Variants in COL4A5 observed in about 807,000 individuals in gnomAD.
COL4A5 encodes the protein collagen alpha-5(IV) chain.
COL4A5 carries 26 observed loss-of-function variants against 130.2 expected under a neutral mutation model. The observed-to-expected ratio is 0.20, with a 90% confidence interval of 0.15 to 0.28. COL4A5 has a LOEUF of 0.28. Among genes scored for constraint, COL4A5 ranks in the 10% least tolerant of loss-of-function variants. COL4A5 has a pLI of 1.00. For synonymous variants in COL4A5, 496 were observed against 439.6 expected (o/e 1.13, Z -1.60); for missense variants, 1,131 against 1,344.3 (o/e 0.84, Z 2.48).
At chrX:108,620,474 T>C in intron 31 of COL4A5, 48 bp downstream of exon 31, 1 of 1,011,656 alleles carries the variant, frequency 9.9e-7, no homozygotes. Context: ...AAATTAAAAC[T>C]AATACGACTC....
At chrX:108,487,557 T>A (rs1183212068) in intron 1 of COL4A5, among the ~76,000 whole-genome samples, 1 of 111,697 alleles carries the variant, frequency 9.0e-6, no homozygotes, top group East Asian at 2.8e-4. Flanking sequence ...GTGATGTTTA[T>A]CATTTTTTCA....
intron 1 of COL4A5, among the ~76,000 whole-genome samples, chrX:108,532,006 G>A (rs1389498384): frequency 1.8e-5 from 2 of 111,086 alleles, no homozygotes; most frequent in African/African-American, 6.5e-5. Context: ...TCTAACAATC[G>A]TACAAGACAG....
intron 2 of COL4A5, among the ~76,000 whole-genome samples, chrX:108,542,985 T>C (rs2065573987): frequency 9.0e-6 from 1 of 110,556 alleles, no homozygotes; most frequent in Non-Finnish European, 1.9e-5. Context: ...TATGTTTGAG[T>C]TCATTGTAGA....
chrX:108,649,237 C>T (rs2067671628), intron 36 of COL4A5, among the ~76,000 whole-genome samples: 1 of 111,937 alleles, frequency 8.9e-6, no homozygotes, highest in Non-Finnish European at 1.9e-5. Flanking sequence ...CTACAAAACA[C>T]TGCTGAAAGA....
At chrX:108,670,171 T>G in intron 41 of COL4A5, 57 bp from the exon 42 acceptor site, 1 of 1,163,285 alleles carries the variant, frequency 8.6e-7, no homozygotes, top group Non-Finnish European at 1.2e-6. Context: ...AGTTTTGATA[T>G]TTTTCCTTTT....
intron 39 of COL4A5, 147 bp from the exon 40 acceptor site, chrX:108,666,986 G>T (rs748291718): frequency 4.9e-5 from 25 of 514,999 alleles, no homozygotes; most frequent in Non-Finnish European, 6.5e-5. Context: ...TTGCAGTTCT[G>T]TGTTGGAAAT....
intron 33 of COL4A5, 49 bp from the exon 34 acceptor site, chrX:108,624,187 T>A: frequency 2.9e-6 from 3 of 1,033,897 alleles, no homozygotes; most frequent in Middle Eastern, 2.7e-4. Context: ...AGTTATTTCA[T>A]GGATGAATAA....
intron 36 of COL4A5, among the ~76,000 whole-genome samples, chrX:108,646,613 T>C (rs1303661092): frequency 1.1e-4 from 12 of 112,046 alleles, no homozygotes; most frequent in African/African-American, 3.9e-4. Context: ...TTTTGGCTTT[T>C]GTTGTCATTG....
chrX:108,453,216 A>T (rs1021385591), intron 1 of COL4A5, among the ~76,000 whole-genome samples: 4 of 111,646 alleles, frequency 3.6e-5, no homozygotes, highest in African/African-American at 1.3e-4. Context: ...AAGCTAGTTG[A>T]TAAAGTTTCA....
chrX:108,651,250 A>G (rs2067721231), intron 36 of COL4A5, among the ~76,000 whole-genome samples: 1 of 111,591 alleles, frequency 9.0e-6, no homozygotes, highest in Non-Finnish European at 1.9e-5. Context: ...CTAAAATTAG[A>G]TTGTGATGAT....
intron 36 of COL4A5, among the ~76,000 whole-genome samples, chrX:108,651,835 T>C (rs1019865264): frequency 8.9e-6 from 1 of 112,161 alleles, no homozygotes; most frequent in Non-Finnish European, 1.9e-5. Context: ...TGAGCCATTA[T>C]TTATCAGTTT....
At chrX:108,529,444 A>G (rs973535872) in intron 1 of COL4A5, among the ~76,000 whole-genome samples, 2 of 111,619 alleles carry the variant, frequency 1.8e-5, no homozygotes, top group African/African-American at 6.5e-5. Context: ...CACTATAGCA[A>G]TCTACCAAAC....
chrX:108,599,053 TCTAA>T (rs756626637), intron 25 of COL4A5, among the ~76,000 whole-genome samples, 183 bp downstream of exon 25: 6 of 112,108 alleles, frequency 5.4e-5, no homozygotes, highest in Non-Finnish European at 1.1e-4. Context: ...TTAAATCTTT[TCTAA>T]CTGTTTCATT....
chrX:108,541,934 A>G (rs1285347948), intron 2 of COL4A5, among the ~76,000 whole-genome samples: 1 of 111,708 alleles, frequency 9.0e-6, no homozygotes, highest in Non-Finnish European at 1.9e-5. Flanking sequence ...ATTACCAAGT[A>G]AAAGTGATCT....
chrX:108,548,197 C>T (rs929791879), intron 2 of COL4A5, among the ~76,000 whole-genome samples: 13 of 112,086 alleles, frequency 1.2e-4, no homozygotes, highest in Non-Finnish European at 2.3e-4. Flanking sequence ...TCTTCTGCAT[C>T]GCTCACGCTG....
At chrX:108,512,037 G>A (rs1047204016) in intron 1 of COL4A5, among the ~76,000 whole-genome samples, 11 of 111,785 alleles carry the variant, frequency 9.8e-5, no homozygotes, top group African/African-American at 3.6e-4. Context: ...GGAAGTCATA[G>A]CCCAATAAGC....
chrX:108,602,197 A>G (rs2066645797), intron 27 of COL4A5, among the ~76,000 whole-genome samples: 1 of 112,632 alleles, frequency 8.9e-6, no homozygotes, highest in African/African-American at 3.2e-5. Context: ...TCTACATTTT[A>G]GATATGCAAA....
At chrX:108,695,223 A>T in intron 51 of COL4A5, 44 bp from the exon 52 acceptor site, 3 of 1,200,556 alleles carry the variant, frequency 2.5e-6, no homozygotes, top group Non-Finnish European at 3.4e-6. Flanking sequence ...CTAAGCTATT[A>T]TGGCACATGG....
At chrX:108,620,648 C>CT (rs1417805679) in intron 31 of COL4A5, among the ~76,000 whole-genome samples, 2 of 111,857 alleles carry the variant, frequency 1.8e-5, no homozygotes, top group Non-Finnish European at 3.8e-5. Context: ...AACCCCAAAA[C>CT]TTAATGATTT....
Sources: gnomAD v4.1 joint callset for allele counts (sites outside exome capture counted in the v4.1 genomes callset) on GRCh38, gnomAD v4.1.1 for gene constraint, MANE v1.5 for transcripts, NCBI Gene and HGNC (gene_info 2026-07-23, HGNC 2026-07-21) for gene names.